Variants in KRT13 observed in about 807,000 individuals in gnomAD.
KRT13 encodes keratin 13, also known as keratin, type I cytoskeletal 13.
Under a neutral mutation model 40.6 loss-of-function variants are expected in KRT13, and 27 were observed. The ratio of observed to expected loss-of-function variants is 0.67; its 90% CI spans 0.49 to 0.92. The LOEUF (loss-of-function observed/expected upper bound fraction) is 0.92, where lower values mean the gene tolerates loss of function less well. Among genes scored for constraint, KRT13 ranks in the 40% least tolerant of loss-of-function variants. The pLI, the probability that KRT13 is intolerant of heterozygous loss-of-function variation, is 0.00. For synonymous variants in KRT13, 266 were observed against 240.3 expected, an observed-to-expected ratio of 1.11 and a Z score of -0.99; for missense variants, 605 against 611.5, an observed-to-expected ratio of 0.99 and a Z score of 0.11.
chr17:41,504,034 T>C lies in KRT13; in HGVS notation c.496-309A>G, dbSNP rs1190743515. The C allele has an allele frequency of 1.5e-5, 6 of 402,986 alleles. No individual in the cohort carries two copies. The Admixed American group carries it at 1.9e-4, about 13-fold the overall frequency. 25.0% of individuals were successfully genotyped at this position (402,986 alleles called of 1,614,324 possible). On this transcript the variant is annotated intron_variant, in intron 1 of 7. Coordinates refer to ENST00000246635, the MANE Select transcript of KRT13 (RefSeq NM_153490.3). ...CTTGAGGAGGTGGCCTGGGAAAACA[T>C]GGGCAGGACCTGGTTCCCATGGGGC...
intron 6 of KRT13, 144 bp downstream of exon 6, chr17:41,502,230 C>G (rs1904874949): frequency 1.3e-6 from 2 of 1,581,460 alleles, no homozygotes; most frequent in African/African-American, 1.3e-5. Flanking sequence ...AACCCTGCAG[C>G]CTACCAAGGA....
At position 41,502,479 on chromosome 17, in the gene KRT13, T is replaced by C. The variant is rs1904886818; in HGVS notation, c.1139A>G (p.Glu380Gly). The C allele has an allele frequency of 6.2e-7, 1 of 1,614,220 alleles. No homozygotes were observed. The highest frequency in any genetic ancestry group is 8.5e-7 in the Non-Finnish European group (1 of 1,180,040). ...IEAQLSELRS[E>G]MECQNQEYKM... ...GTACTCTTGGTTCTGGCACTCCATCTCACTGCGGAGCTCGCTCAGCTGGGC... is the reference window on the plus strand; with the variant it reads ...GTACTCTTGGTTCTGGCACTCCATCCCACTGCGGAGCTCGCTCAGCTGGGC... Residue 380 changes from glutamate (E) to glycine (G), a missense_variant, in exon 6 of 8, where the codon GAG (glutamate) becomes GGG (glycine). Glu to Gly is a moderately conservative substitution (Grantham distance 98, BLOSUM62 -2). Coordinates refer to ENST00000246635, the MANE Select transcript of KRT13 (RefSeq NM_153490.3).
intron 4 of KRT13, 41 bp from the exon 5 acceptor site, chr17:41,502,853 T>C: frequency 1.9e-6 from 3 of 1,614,190 alleles, no homozygotes; most frequent in Non-Finnish European, 1.7e-6. Flanking sequence ...GAAGCTCAGC[T>C]CGAGCAGCCT....
intron 2 of KRT13, 32 bp from the exon 3 acceptor site, chr17:41,503,475 A>G: frequency 1.2e-6 from 2 of 1,612,058 alleles, no homozygotes; most frequent in East Asian, 2.2e-5. Flanking sequence ...ATGTTTTTTG[A>G]AAAAGCAAGA....
intron 6 of KRT13, 99 bp from the exon 7 acceptor site, chr17:41,501,843 C>T: frequency 6.4e-7 from 1 of 1,550,862 alleles, no homozygotes; most frequent in Non-Finnish European, 8.7e-7. Flanking sequence ...ATTTCAAGCC[C>T]CTGGGCTGGA....
At chr17:41,501,970 G>A (rs777694753) in intron 6 of KRT13, 17 of 1,436,518 alleles carry the variant, frequency 1.2e-5, no homozygotes, top group Non-Finnish European at 1.5e-5. Context: ...GATATTATTA[G>A]CCACAAGATT....
At position 41,501,155 on chromosome 17, in the gene KRT13, C is replaced by G; in HGVS notation, c.*101G>C. 1 of 825,486 alleles carries G rather than the reference C, an allele frequency of 1.2e-6. No homozygotes were observed. The highest frequency in any genetic ancestry group is 1.7e-5 in the African/African-American group (1 of 58,862). The allele number at this position is 825,486 out of a possible 1,614,324, so 51.1% of individuals were successfully genotyped here. On this transcript the variant is annotated 3_prime_UTR_variant, in exon 8 of 8. Transcript: ENST00000246635. ...ACAGGGGGTCCTGAGAGCAGAGGGA[C>G]TGAGCCTTGGGTCCAGCAGCCCCTC...
rs1459808765 is a variant in KRT13, at chr17:41,501,081, C to T, written c.*175G>A. The stretch of plus-strand genomic sequence containing the variant: ...ATCCAGGTCAGAGAGGAGAGAGATC[C>T]GACCGGAAGAGAAGAGCACAGAGGG... On this transcript the variant is annotated 3_prime_UTR_variant, in exon 8 of 8. Coordinates refer to ENST00000246635, the MANE Select transcript of KRT13 (RefSeq NM_153490.3). 4.1e-5 allele frequency: 23 copies of T among 562,584 alleles called. No homozygotes were observed. The highest frequency in any genetic ancestry group is 9.6e-4 in the Middle Eastern group (2 of 2,084). The allele number at this position is 562,584 out of a possible 1,614,324, so 34.8% of individuals were successfully genotyped here.
At chr17:41,504,054 T>TG in intron 1 of KRT13, 4 of 380,784 alleles carry the variant, frequency 1.1e-5, no homozygotes, top group South Asian at 6.8e-5. Flanking sequence ...CTGGTTCCCA[T>TG]GGGGCTCTAC....
intron 6 of KRT13, 23 bp from the exon 7 acceptor site, chr17:41,501,767 C>T (rs1178783660): frequency 2.5e-6 from 4 of 1,592,744 alleles, no homozygotes; most frequent in Admixed American, 1.8e-5. Context: ...ACAGAGGTGG[C>T]CATGAGCAGA....
chr17:41,503,565 T>C lies in KRT13; in HGVS notation c.578+78A>G, dbSNP rs530989393. On this transcript the variant is annotated intron_variant, in intron 2 of 7. Transcript: ENST00000246635. ...GACCTTCACTCCTGGGATGCTCCAG[T>C]GTCATTGGTCAGATGAGCTTTTGTC... 18 of 1,533,576 alleles carry C rather than the reference T, an allele frequency of 1.2e-5. No homozygotes were observed. In the South Asian group the frequency reaches 1.9e-4, roughly 16 times the overall value. 95.0% of individuals were successfully genotyped at this position (1,533,576 alleles called of 1,614,324 possible). A position where few individuals can be genotyped will look rare whatever the true frequency, so the allele number is the denominator to read the frequency against.
Position 41,502,492 on chromosome 17 carries a change from C to T in KRT13, c.1126G>A (p.Glu376Lys), listed in dbSNP as rs201356802. The T allele has an allele frequency of 1.3e-5, 21 of 1,614,158 alleles. No individual in the cohort carries two copies. In the East Asian group the frequency reaches 2.2e-4, roughly 17 times the overall value. Residue 376 changes from glutamate (E) to lysine (K), a missense_variant, in exon 6 of 8, where the codon GAG becomes AAG. Glu to Lys is a moderately conservative substitution (Grantham distance 56). Transcript: ENST00000246635. Reference protein sequence around the residue: ...LISSIEAQLSELRSEMECQNQ... With the variant: ...LISSIEAQLSKLRSEMECQNQ... ...TGGCACTCCATCTCACTGCGGAGCT[C>T]GCTCAGCTGGGCCTCGATGCTGCTG...
chr17:41,505,059 G>C lies in KRT13; in HGVS notation c.492C>G (p.Asp164Glu). 1 of 1,614,122 alleles carries C rather than the reference G, an allele frequency of 6.2e-7. No homozygotes were observed. The highest frequency in any genetic ancestry group is 1.3e-5 in the African/African-American group (1 of 75,032). ...PYYKTIEELR[D>E]KILTATIENN... The stretch of plus-strand genomic sequence containing the variant: ...TCCTCAGCTTCCAAGGGCTCACCTT[G>C]TCCCGGAGCTCTTCAATGGTCTTGT... Residue 164 changes from aspartate (D) to glutamate (E), a missense_variant, in exon 1 of 8, where the codon GAC (aspartate) becomes GAG (glutamate). Physicochemically the swap from Asp to Glu is conservative, Grantham distance 45 (BLOSUM62 2). Coordinates refer to ENST00000246635, the MANE Select transcript of KRT13 (RefSeq NM_153490.3).
At chr17:41,503,948 C>A in intron 1 of KRT13, 1 of 539,848 alleles carries the variant, frequency 1.9e-6, no homozygotes, top group Non-Finnish European at 3.3e-6. Context: ...CAAAGCTGTC[C>A]TGGGCCACAT....
In KRT13 at chr17:41,501,265, A is replaced by G. The variant is rs1229646955; in HGVS notation, c.1368T>C (p.Arg456=). The change falls in exon 8 of 8, where the codon CGT becomes CGC. Residue 456 remains arginine (R), a synonymous_variant. Transcript: ENST00000246635. The part of the protein sequence containing the change: ...NASGRRTSDV[R]RP ...GGGACGCCAGGCAGATTTAAGGCCT[A>G]CGGACATCAGAAGTGCGGCGACCAG... 8 of 1,562,104 alleles carry G rather than the reference A, an allele frequency of 5.1e-6. No individual in the cohort carries two copies. The highest frequency in any genetic ancestry group is 6.9e-6 in the Non-Finnish European group (8 of 1,151,860).
rs375082810 is a variant in KRT13 at position 41,503,018 on chromosome 17, G to A, written c.816C>T (p.Arg272=). ...MDATPGIDLT[R]VLAEMREQYE... ...ACTGCTCCCTCATCTCTGCCAGCAC[G>A]CGGGTCAGGTCAATGCCTGGGGTGG... The change falls in exon 4 of 8, where the codon CGC becomes CGT. Residue 272 remains arginine, a synonymous_variant. Coordinates refer to ENST00000246635, the MANE Select transcript of KRT13 (RefSeq NM_153490.3). 85 of 1,614,066 alleles carry A rather than the reference G, an allele frequency of 5.3e-5. No homozygotes were observed. In the South Asian group the frequency reaches 6.4e-4, roughly 12 times the overall value.
chr17:41,501,546 G>T, intron 7 of KRT13, 173 bp downstream of exon 7: 1 of 1,240,422 alleles, frequency 8.1e-7, no homozygotes, highest in Non-Finnish European at 1.1e-6. Context: ...AGAGCCATCA[G>T]TTTCAAAAGG....
rs566477295 is a variant in KRT13, at chr17:41,501,343, G to A, written c.1290C>T (p.Ser430=). ...CACTAGAAGTCGTGGTAACAGAGGT[G>A]CTACGGGGGCTGACGCTTCCTGGGA... ...PSSAGSVSPR[S]TSVTTTSSAS... The change falls in exon 8 of 8, where the codon AGC becomes AGT. Residue 430 remains serine, a synonymous_variant. Transcript: ENST00000246635. 2.6e-5 allele frequency: 41 copies of A among 1,567,786 alleles called. No individual in the cohort carries two copies. The East Asian group carries it at 9.2e-4, about 35-fold the overall frequency.
chr17:41,503,793 A>G, intron 1 of KRT13, 68 bp from the exon 2 acceptor site: 1 of 1,193,762 alleles, frequency 8.4e-7, no homozygotes, highest in Non-Finnish European at 1.3e-6. Flanking sequence ...CCTGGGCCAC[A>G]TTGGAAGAAG....
Sources: gnomAD v4.1 joint callset for allele counts on GRCh38, gnomAD v4.1.1 for gene constraint, MANE v1.5 for transcripts, NCBI Gene and HGNC (gene_info 2026-07-23, HGNC 2026-07-21) for gene names.